LIMK1: variants seen among roughly 807,000 people sequenced by gnomAD.
LIMK1 encodes LIM motif-containing protein kinase.
In LIMK1, 21 loss-of-function variants were observed where a neutral mutation model predicts 77.6. The observed-to-expected ratio is 0.27, with a 90% confidence interval of 0.19 to 0.39. The LOEUF (loss-of-function observed/expected upper bound fraction) is 0.39, where lower values mean the gene tolerates loss of function less well. Among genes scored for constraint, LIMK1 ranks in the 10% least tolerant of loss-of-function variants. LIMK1 has a pLI of 1.00. For synonymous variants in LIMK1, 358 were observed against 370.0 expected (o/e 0.97, Z 0.37); for missense variants, 696 against 901.6 (o/e 0.77, Z 2.92).
intron 13 of LIMK1, among the ~76,000 whole-genome samples, chr7:74,118,655 C>T (rs1554700019): frequency 6.6e-6 from 1 of 151,282 alleles, no homozygotes; most frequent in Non-Finnish European, 1.5e-5. Flanking sequence ...GAGGCTGAGG[C>T]AGGAGAGTTG....
rs368495755 is a variant in LIMK1, at chr7:74,120,568, G to A, written c.1568-15G>A. 22 of 1,614,068 alleles carry A rather than the reference G, an allele frequency of 1.4e-5. No homozygotes were observed. Among genetic ancestry groups the A allele is most frequent in the Admixed American group, 1.7e-5 (1 of 60,022 alleles). ...CCCATGTGTTCATCTGCTGACAGTC[G>A]GTCTCTTTATCCAGGCCGCAGCTAT... On this transcript the variant is annotated splice_polypyrimidine_tract_variant and intron_variant, in intron 13 of 15. Transcript: ENST00000336180.
chr7:74,117,364 A>C (rs1799837556), intron 13 of LIMK1, among the ~76,000 whole-genome samples: 1 of 151,966 alleles, frequency 6.6e-6, no homozygotes, highest in Admixed American at 6.6e-5. Flanking sequence ...CCACCTGGAT[A>C]ATCCAAAAGC....
chr7:74,093,939 ACT>A (rs1799287495), intron 2 of LIMK1: 1 of 152,266 alleles, frequency 6.6e-6, no homozygotes, highest in East Asian at 1.9e-4. Flanking sequence ...AGGGACAGGA[ACT>A]CCGGCGTGCT....
chr7:74,106,262 C>T lies in LIMK1; in HGVS notation c.881+19C>T, dbSNP rs535500548. ...CTGTCTTGTAAGTCAGCCTGCTCCTCGGTTCAGCTGGGTGCTTTCACTCCT... is the reference window on the plus strand; with the variant it reads ...CTGTCTTGTAAGTCAGCCTGCTCCTTGGTTCAGCTGGGTGCTTTCACTCCT... On this transcript the variant is annotated intron_variant, in intron 7 of 15. Transcript: ENST00000336180. 23 of 1,596,628 alleles carry T rather than the reference C, an allele frequency of 1.4e-5. No homozygotes were observed. In the East Asian group the frequency reaches 3.1e-4, roughly 22 times the overall value.
chr7:74,085,788 C>A lies in LIMK1; in HGVS notation c.96C>A (p.Ile32=). 1 of 1,564,512 alleles carries A rather than the reference C, an allele frequency of 6.4e-7. No individual in the cohort carries two copies. The highest frequency in any genetic ancestry group is 8.7e-7 in the Non-Finnish European group (1 of 1,153,908). Residue 32 remains isoleucine, a synonymous_variant, in exon 2 of 16, where the codon ATC becomes ATA. Coordinates refer to ENST00000336180, the MANE Select transcript of LIMK1 (RefSeq NM_002314.4). ...LPVCASCGQR[I]YDGQYLQALN... is the part of the protein sequence containing the mutation. Reference sequence around the variant, plus strand: ...TGTGTGCAAGCTGCGGCCAGAGGATCTATGATGGCCAGTACCTCCAGGCCC... The same window carrying A: ...TGTGTGCAAGCTGCGGCCAGAGGATATATGATGGCCAGTACCTCCAGGCCC...
Position 74,097,136 on chromosome 7 carries a change from C to CT in LIMK1, c.351dup (p.Ile118TyrfsTer3). 1 of 1,613,578 alleles carries CT rather than the reference C, an allele frequency of 6.2e-7. No homozygotes were observed. The highest frequency in any genetic ancestry group is 8.5e-7 in the Non-Finnish European group (1 of 1,179,908). On this transcript the variant is annotated frameshift_variant, in exon 4 of 16. Coordinates refer to ENST00000336180, the MANE Select transcript of LIMK1 (RefSeq NM_002314.4). LOFTEE classifies it high-confidence loss of function. ...GTTTCATCTGCCTCACGTGTGGGAC[C>CT]TTTATCGGTGACGGGGACACCTACA...
At chr7:74,092,318 C>G (rs1799253966) in intron 2 of LIMK1, among the ~76,000 whole-genome samples, 1 of 152,120 alleles carries the variant, frequency 6.6e-6, no homozygotes, top group South Asian at 2.1e-4. Context: ...TGCTCCTGTC[C>G]CCTGGCCCCT....
chr7:74,087,315 G>A (rs1184699716), intron 2 of LIMK1, among the ~76,000 whole-genome samples: 6 of 152,070 alleles, frequency 3.9e-5, no homozygotes, highest in Non-Finnish European at 8.8e-5. Flanking sequence ...GAGGTGGCAG[G>A]GTTACTTGAG....
chr7:74,083,954 G>C lies in LIMK1; in HGVS notation c.-37G>C. 6.2e-6 allele frequency: 6 copies of C among 962,180 alleles called. No individual in the cohort carries two copies. The highest frequency in any genetic ancestry group is 8.2e-6 in the Non-Finnish European group (6 of 728,726). The allele number at this position is 962,180 out of a possible 1,614,324, so 59.6% of individuals were successfully genotyped here. A position where few individuals can be genotyped will look rare whatever the true frequency, so the allele number is the denominator to read the frequency against. ...GAGCTCGCGGGCCCGGCCGCCCCCA[G>C]CCCCAGCCCCGCCGGGCCCCGCCCC... On this transcript the variant is annotated 5_prime_UTR_variant, in exon 1 of 16. Coordinates refer to ENST00000336180, the MANE Select transcript of LIMK1 (RefSeq NM_002314.4).
In LIMK1 at chr7:74,120,656, T is replaced by C; in HGVS notation, c.1623+18T>C. On this transcript the variant is annotated intron_variant, in intron 14 of 15. Coordinates refer to ENST00000336180, the MANE Select transcript of LIMK1 (RefSeq NM_002314.4). The stretch of plus-strand genomic sequence containing the variant: ...TGTGCGAGGTAGGTCCAGGGTTGGG[T>C]AGCAGCGGTGTTGAGGCCTGGGCTC... 1 of 1,613,908 alleles carries C rather than the reference T, an allele frequency of 6.2e-7. No individual in the cohort carries two copies. The highest frequency in any genetic ancestry group is 8.5e-7 in the Non-Finnish European group (1 of 1,179,782).
intron 7 of LIMK1, among the ~76,000 whole-genome samples, chr7:74,106,505 A>G (rs1379928628): frequency 6.6e-6 from 1 of 152,214 alleles, no homozygotes; most frequent in Admixed American, 6.5e-5. Flanking sequence ...TCATGCCTGT[A>G]ATCCCAGCAC....
intron 5 of LIMK1, among the ~76,000 whole-genome samples, chr7:74,100,828 T>C (rs1436279759): frequency 1.3e-5 from 2 of 151,220 alleles, no homozygotes; most frequent in African/African-American, 4.9e-5. Context: ...CCCCGCCTCC[T>C]GGGTTCACGC....
rs376617300 is a variant in LIMK1, at chr7:74,121,269, G to A, written c.1912G>A (p.Gly638Arg). 3.0e-5 allele frequency: 49 copies of A among 1,609,570 alleles called. No homozygotes were observed. Among genetic ancestry groups the A allele is most frequent in the Admixed American group, 5.0e-5 (3 of 59,466 alleles). The change falls in exon 16 of 16, where the codon GGA (glycine) becomes AGA (arginine). Residue 638 changes from glycine (G) to arginine (R), a missense_variant. Transcript: ENST00000336180. Reference sequence around the variant, plus strand: ...GGAGACCTACCGGCGCGGCGAGAGCGGACTGCCTGCCCACCCTGAGGTCCC... The same window carrying A: ...GGAGACCTACCGGCGCGGCGAGAGCAGACTGCCTGCCCACCCTGAGGTCCC... ...FWETYRRGES[G>R]LPAHPEVPD
chr7:74,118,521 G>A (rs1190551156), intron 13 of LIMK1, among the ~76,000 whole-genome samples: 1 of 151,912 alleles, frequency 6.6e-6, no homozygotes, highest in African/African-American at 2.4e-5. Flanking sequence ...GGAGGCCGAG[G>A]CAGGTGGATC....
chr7:74,086,280 A>G (rs1246247676), intron 2 of LIMK1, among the ~76,000 whole-genome samples: 4 of 152,096 alleles, frequency 2.6e-5, no homozygotes, highest in African/African-American at 4.8e-5. Context: ...TCTGACCTCA[A>G]GTGATCTTCC....
At chr7:74,105,277 AGGCG>A (rs1259435256) in intron 5 of LIMK1, among the ~76,000 whole-genome samples, 2 of 152,150 alleles carry the variant, frequency 1.3e-5, no homozygotes, top group Admixed American at 6.6e-5. Flanking sequence ...TGGGAGGCTA[AGGCG>A]GGCGGATTGC....
At chr7:74,084,467 CCT>C (rs1417777549) in intron 1 of LIMK1, among the ~76,000 whole-genome samples, 1 of 152,206 alleles carries the variant, frequency 6.6e-6, no homozygotes, top group Non-Finnish European at 1.5e-5. Flanking sequence ...GGCTCTGTGA[CCT>C]TGAGCCAGGC....
chr7:74,121,298 CTG>C lies in LIMK1; in HGVS notation c.1942_1943del (p.Ter648SerfsTer120). On this transcript the variant is annotated frameshift_variant and stop_lost, in exon 16 of 16. Coordinates refer to ENST00000336180, the MANE Select transcript of LIMK1 (RefSeq NM_002314.4). LOFTEE classifies it high-confidence loss of function. ...TGCCTGCCCACCCTGAGGTCCCCGACTGAGCCAGGGCCACTCAGCTGCCCCTG... is the reference window on the plus strand; with the variant it reads ...TGCCTGCCCACCCTGAGGTCCCCGACAGCCAGGGCCACTCAGCTGCCCCTG... ...GLPAHPEVPD* is the reference protein window; with the variant it reads ...GLPAHPEVPDX 6.3e-7 allele frequency: 1 copy of C among 1,593,176 alleles called. No individual in the cohort carries two copies. Among genetic ancestry groups the C allele is most frequent in the Non-Finnish European group, 8.5e-7 (1 of 1,172,580 alleles).
chr7:74,087,926 T>C (rs971243325), intron 2 of LIMK1, among the ~76,000 whole-genome samples: 6 of 152,120 alleles, frequency 3.9e-5, no homozygotes, highest in Non-Finnish European at 5.9e-5. Context: ...TCTTTTTTTT[T>C]ACACAGGGTC....
Sources: allele counts gnomAD v4.1 joint callset (sites outside exome capture counted in the v4.1 genomes callset), GRCh38; gene constraint gnomAD v4.1.1; transcripts MANE v1.5; gene names NCBI Gene and HGNC (gene_info 2026-07-23, HGNC 2026-07-21).